The following RADIL variants were observed in gnomAD, a reference collection of about 807,000 sequenced individuals.
The protein encoded by RADIL is Rap associating with DIL domain, also known as ras-associating and dilute domain-containing protein.
A neutral mutation model predicts 97.6 loss-of-function variants in RADIL; 99 were observed. That is an observed-to-expected ratio of 1.01 (90% CI 0.86 to 1.20). The LOEUF is 1.20. Among genes scored for constraint, RADIL ranks in the 50% most tolerant of loss-of-function variants. RADIL has a pLI of 0.00. For missense variants in RADIL, 1,765 were observed against 1,498.9 expected, an observed-to-expected ratio of 1.18 and a Z score of -2.93; for synonymous variants, 803 against 691.8, an observed-to-expected ratio of 1.16 and a Z score of -2.52.
chr7:4,808,921 C>T, intron 9 of RADIL: 18 of 913,840 alleles, frequency 2.0e-5, no homozygotes, highest in Non-Finnish European at 2.3e-5. Flanking sequence ...CCCCCCACGT[C>T]TCCTTCCAAC....
chr7:4,836,594 G>A lies in RADIL; in HGVS notation c.547C>T (p.Gln183Ter). Residue 183 changes from glutamine (Q) to a stop codon, truncating the protein, a stop_gained, in exon 3 of 15, where the codon CAG becomes TAG. Coordinates refer to ENST00000399583, the MANE Select transcript of RADIL (RefSeq NM_018059.5). LOFTEE classifies it high-confidence loss of function. ...CGACTCCGCTGCAGCCTCCGGGCCT[G>A]GGCGTTTATCCCTGGAACAGAAGCA... ...VDTITAGINA[Q>*]ARRLQRSRAK... 1.9e-6 allele frequency: 3 copies of A among 1,607,142 alleles called. No individual in the cohort carries two copies. The highest frequency in any genetic ancestry group is 2.5e-6 in the Non-Finnish European group (3 of 1,179,658).
chr7:4,809,376 CG>C, intron 9 of RADIL: 1 of 985,256 alleles, frequency 1.0e-6, no homozygotes, highest in Non-Finnish European at 1.2e-6. Context: ...CCCGGCTGAG[CG>C]GGGGGAGGCG....
rs1467479420 is a variant in RADIL, at chr7:4,837,882, G to A, written c.536-1277C>T. ...TTCTGAGCCCTCTGCTGAGTTCCCT[G>A]TACGCAGCCTTTCAGGTTAAGATCC... is the stretch of plus-strand genomic sequence containing the variant. On this transcript the variant is annotated intron_variant, in intron 2 of 14. Transcript: ENST00000399583. This position sits in a 1 kb window ranked among gnomAD's most constrained non-coding sequence, Gnocchi z 5.6. The A allele has an allele frequency of 3.0e-6, 3 of 985,308 alleles. No homozygotes were observed. The highest frequency in any genetic ancestry group is 3.6e-6 in the Non-Finnish European group (3 of 829,944). 61.0% of individuals were successfully genotyped at this position (985,308 alleles called of 1,614,324 possible).
intron 9 of RADIL, chr7:4,809,483 TTG>T (rs2115176653): frequency 8.1e-6 from 8 of 985,274 alleles, no homozygotes; most frequent in Admixed American, 6.1e-5. Context: ...AGGAACACGC[TTG>T]TGTGTCCAGC....
chr7:4,862,440 G>C (rs944856654), intron 2 of RADIL, among the ~76,000 whole-genome samples: 1 of 152,196 alleles, frequency 6.6e-6, no homozygotes, highest in Non-Finnish European at 1.5e-5. Flanking sequence ...TTTGTGTTCT[G>C]GCCATGCTTT....
intron 9 of RADIL, chr7:4,811,074 T>C (rs1028477739): frequency 3.9e-5 from 6 of 152,032 alleles, no homozygotes; most frequent in African/African-American, 1.5e-4. Flanking sequence ...GAGGTGGAGG[T>C]TGCAGTGAGC....
intron 2 of RADIL, 42 bp from the exon 3 acceptor site, chr7:4,836,647 T>C (rs1208911153): frequency 6.2e-6 from 10 of 1,600,998 alleles, no homozygotes; most frequent in Middle Eastern, 1.6e-4. Context: ...AGAAGTCTCA[T>C]AGCACCAGGA....
chr7:4,817,335 C>T lies in RADIL; in HGVS notation c.1632G>A (p.Leu544=). 9 of 1,612,068 alleles carry T rather than the reference C, an allele frequency of 5.6e-6. No homozygotes were observed. The highest frequency in any genetic ancestry group is 7.6e-6 in the Non-Finnish European group (9 of 1,179,578). The change falls in exon 7 of 15, where the codon CTG becomes CTA. Residue 544 remains leucine (L), a synonymous_variant. Coordinates refer to ENST00000399583, the MANE Select transcript of RADIL (RefSeq NM_018059.5). The surrounding 1 kb of genome is among the most constrained non-coding windows in gnomAD (Gnocchi z 8.3). The part of the protein sequence containing the change: ...QLDITGSKES[L]FSCTLTASEE... ...CGCTGGCCGTCAGCGTGCAGGAGAA[C>T]AGCGATTCCTTCGAGCCTGCCGGGA... is the stretch of plus-strand genomic sequence containing the variant.
At position 4,849,010 on chromosome 7, in the gene RADIL, T is replaced by A. The variant is rs1218280644; in HGVS notation, c.536-12405A>T. ...AAAATTAGCCGGGCGTGGTGGCATA[T>A]GCCTGTAATCCCAGCTACTCGAGAG... On this transcript the variant is annotated intron_variant, in intron 2 of 14. Transcript: ENST00000399583. The surrounding 1 kb of genome is among the most constrained non-coding windows in gnomAD (Gnocchi z 5.4). Among the ~76,000 whole-genome samples the A allele has an allele frequency of 6.6e-6, 1 of 152,022 alleles. No homozygotes were observed. The highest frequency in any genetic ancestry group is 2.4e-5 in the African/African-American group (1 of 41,360).
At chr7:4,812,015 C>T (rs906714063) in intron 9 of RADIL, among the ~76,000 whole-genome samples, 1 of 152,014 alleles carries the variant, frequency 6.6e-6, no homozygotes, top group East Asian at 1.9e-4. Flanking sequence ...GCTGGGACCA[C>T]GGGCATGCAT....
rs146161794 is a variant in RADIL, at chr7:4,818,896, G to A, written c.1616-1545C>T. 2.7e-4 allele frequency among the ~76,000 whole-genome samples: 41 copies of A among 152,190 alleles called. No individual in the cohort carries two copies. Among genetic ancestry groups the A allele is most frequent in the African/African-American group, 9.9e-4 (41 of 41,514 alleles). On this transcript the variant is annotated intron_variant, in intron 6 of 14. Coordinates refer to ENST00000399583, the MANE Select transcript of RADIL (RefSeq NM_018059.5). The surrounding 1 kb of genome is among the most constrained non-coding windows in gnomAD (Gnocchi z 7.1). The stretch of plus-strand genomic sequence containing the variant: ...AAAGCAGCCTCCAGCCACCCACCAC[G>A]GGCCTGAGACTCCATTTCTTCTTTT...
At position 4,849,365 on chromosome 7, in the gene RADIL, A is replaced by C. The variant is rs1209775157; in HGVS notation, c.536-12760T>G. ...TGTACATAGTTTTCATTCTACTGCAAGAATGAATTAATGAATGAATGAACG... is the reference window on the plus strand; with the variant it reads ...TGTACATAGTTTTCATTCTACTGCACGAATGAATTAATGAATGAATGAACG... On this transcript the variant is annotated intron_variant, in intron 2 of 14. Transcript: ENST00000399583. The surrounding 1 kb of genome is among the most constrained non-coding windows in gnomAD (Gnocchi z 5.4). 6.6e-6 allele frequency among the ~76,000 whole-genome samples: 1 copy of C among 152,210 alleles called. No homozygotes were observed. The highest frequency in any genetic ancestry group is 1.5e-5 in the Non-Finnish European group (1 of 68,038).
chr7:4,849,772 G>A lies in RADIL; in HGVS notation c.536-13167C>T, dbSNP rs981482701. On this transcript the variant is annotated intron_variant, in intron 2 of 14. Coordinates refer to ENST00000399583, the MANE Select transcript of RADIL (RefSeq NM_018059.5). The surrounding 1 kb of genome is among the most constrained non-coding windows in gnomAD (Gnocchi z 5.4). ...TAGAATCTTAATTCATTTCACTCCTGCATACCTTTCTGCGTACGCACAAAA... is the reference window on the plus strand; with the variant it reads ...TAGAATCTTAATTCATTTCACTCCTACATACCTTTCTGCGTACGCACAAAA... 6.6e-6 allele frequency among the ~76,000 whole-genome samples: 1 copy of A among 152,098 alleles called. No homozygotes were observed. Among genetic ancestry groups the A allele is most frequent in the African/African-American group, 2.4e-5 (1 of 41,412 alleles).
At chr7:4,861,153 T>G in intron 2 of RADIL, 1 of 1,614,256 alleles carries the variant, frequency 6.2e-7, no homozygotes, top group Non-Finnish European at 8.5e-7. Flanking sequence ...AGCCTGAAGT[T>G]GTCAATGTTT....
chr7:4,871,155 G>C (rs1027352599), intron 2 of RADIL, among the ~76,000 whole-genome samples: 63 of 152,348 alleles, frequency 4.1e-4, no homozygotes, highest in African/African-American at 1.4e-3. Context: ...GTTTCCCACG[G>C]TGACTCTGTC....
intron 2 of RADIL, among the ~76,000 whole-genome samples, chr7:4,863,362 C>G (rs1784064948): frequency 6.6e-6 from 1 of 152,106 alleles, no homozygotes; most frequent in Non-Finnish European, 1.5e-5. Flanking sequence ...TCCGAATGCT[C>G]TTGAGAAACT....
Position 4,849,966 on chromosome 7 carries a change from A to C in RADIL, c.536-13361T>G, listed in dbSNP as rs1783668017. 6.6e-6 allele frequency among the ~76,000 whole-genome samples: 1 copy of C among 152,148 alleles called. No individual in the cohort carries two copies. The highest frequency in any genetic ancestry group is 2.4e-5 in the African/African-American group (1 of 41,434). The stretch of plus-strand genomic sequence containing the variant: ...TACTGATAACATCTTTTCTTGGTGA[A>C]ATATAGTATATGTAGGAATGTATGT... On this transcript the variant is annotated intron_variant, in intron 2 of 14. Coordinates refer to ENST00000399583, the MANE Select transcript of RADIL (RefSeq NM_018059.5). This position sits in a 1 kb window ranked among gnomAD's most constrained non-coding sequence, Gnocchi z 5.4.
intron 4 of RADIL, among the ~76,000 whole-genome samples, chr7:4,833,920 T>C (rs898727235): frequency 6.6e-6 from 1 of 151,688 alleles, no homozygotes; most frequent in Non-Finnish European, 1.5e-5. Flanking sequence ...GTGTATTGCG[T>C]GTGTGTGTGT....
intron 2 of RADIL, among the ~76,000 whole-genome samples, chr7:4,868,680 A>G (rs1471021677): frequency 6.6e-6 from 1 of 152,252 alleles, no homozygotes; most frequent in Non-Finnish European, 1.5e-5. Flanking sequence ...GTTATTCATC[A>G]CATCAGTTTT....
Sources: gnomAD v4.1 joint callset for allele counts (sites outside exome capture counted in the v4.1 genomes callset) on GRCh38, gnomAD v4.1.1 for gene constraint, Gnocchi (gnomAD v3.1) non-coding constraint, MANE v1.5 for transcripts, NCBI Gene and HGNC (gene_info 2026-07-23, HGNC 2026-07-21) for gene names.